Variants in GALNT13 observed in about 807,000 individuals in gnomAD.
The protein encoded by GALNT13 is UDP-GalNAc:polypeptide N-acetylgalactosaminyltransferase 13.
In GALNT13, 28 loss-of-function variants were observed where a neutral mutation model predicts 64.2. The observed-to-expected ratio is 0.44, with a 90% confidence interval of 0.32 to 0.60. The LOEUF (loss-of-function observed/expected upper bound fraction) is 0.60. GALNT13 is among the 20% of genes least tolerant of loss of function. The pLI is 0.05. For missense variants in GALNT13, 577 were observed against 669.8 expected, an observed-to-expected ratio of 0.86 and a Z score of 1.53; for synonymous variants, 214 against 224.6, an observed-to-expected ratio of 0.95 and a Z score of 0.42.
At chr2:153,770,994 G>C in the GALNT13 span, among the ~76,000 whole-genome samples, 1 of 152,210 alleles carries the variant, frequency 6.6e-6, no homozygotes. Context: ...ATCTAGAAGA[G>C]TTGGTGCTCC....
At chr2:154,331,223 C>G (rs1695150591) in intron 9 of GALNT13, among the ~76,000 whole-genome samples, 1 of 151,922 alleles carries the variant, frequency 6.6e-6, no homozygotes, top group Non-Finnish European at 1.5e-5. Context: ...TATGTGGCAA[C>G]AAGCTGAAAA....
At chr2:154,245,780 G>T (rs759584749) in intron 6 of GALNT13, 32 bp from the exon 7 acceptor site, 10 of 1,396,002 alleles carry the variant, frequency 7.2e-6, no homozygotes, top group South Asian at 2.5e-5. Flanking sequence ...TAATTATCAT[G>T]TGTCTATAAA....
At chr2:153,208,061 ATTTTTTTT>A in the GALNT13 span, 2 of 150,564 alleles carry the variant, frequency 1.3e-5, 1 homozygote, top group Non-Finnish European at 3.0e-5. Flanking sequence ...CAATACAAAT[ATTTTTTTT>A]TTTTTTTTTT....
chr2:153,530,735 C>T, the GALNT13 span, among the ~76,000 whole-genome samples: 1 of 152,074 alleles, frequency 6.6e-6, no homozygotes, highest in Non-Finnish European at 1.5e-5. Context: ...AACAAATCCA[C>T]ACACCTACAG....
At chr2:153,640,345 G>C in the GALNT13 span, among the ~76,000 whole-genome samples, 2 of 152,276 alleles carry the variant, frequency 1.3e-5, no homozygotes, top group East Asian at 1.9e-4. Context: ...ATCTAAGAAA[G>C]AGTGGTGGTC....
the GALNT13 span, among the ~76,000 whole-genome samples, chr2:153,073,421 T>G: frequency 6.6e-6 from 1 of 152,024 alleles, no homozygotes; most frequent in Non-Finnish European, 1.5e-5. Flanking sequence ...AAGAAAAACT[T>G]GAAAATAAAA....
chr2:154,047,568 G>T (rs117681165), intron 3 of GALNT13, among the ~76,000 whole-genome samples: 1 of 152,128 alleles, frequency 6.6e-6, no homozygotes, highest in Non-Finnish European at 1.5e-5. Context: ...AATAATAGTT[G>T]TGTTCAACTC....
the GALNT13 span, among the ~76,000 whole-genome samples, chr2:153,267,492 G>A: frequency 6.6e-6 from 1 of 152,186 alleles, no homozygotes; most frequent in Non-Finnish European, 1.5e-5. Context: ...AAGCCACCAA[G>A]GATTGGGGCT....
At chr2:153,140,467 C>G in the GALNT13 span, among the ~76,000 whole-genome samples, 1 of 151,880 alleles carries the variant, frequency 6.6e-6, no homozygotes, top group East Asian at 1.9e-4. Flanking sequence ...GAAACTGAAA[C>G]AGGGAAAGGT....
intron 3 of GALNT13, among the ~76,000 whole-genome samples, chr2:154,114,650 T>C (rs1703183679): frequency 6.6e-6 from 1 of 152,114 alleles, no homozygotes; most frequent in Non-Finnish European, 1.5e-5. Flanking sequence ...CTGGATCAAG[T>C]CTGGAAATTG....
chr2:153,728,776 A>G, the GALNT13 span, among the ~76,000 whole-genome samples: 2 of 152,178 alleles, frequency 1.3e-5, no homozygotes, highest in Non-Finnish European at 2.9e-5. Flanking sequence ...AGAAGAATCA[A>G]ATAGACACAA....
intron 4 of GALNT13, among the ~76,000 whole-genome samples, chr2:154,150,213 T>C (rs200999904): frequency 1.3e-5 from 2 of 152,220 alleles, no homozygotes. Context: ...TGGTTCTGTT[T>C]ATATACTGGA....
chr2:153,528,555 C>T, the GALNT13 span, among the ~76,000 whole-genome samples: 7 of 152,134 alleles, frequency 4.6e-5, no homozygotes, highest in African/African-American at 1.2e-4. Flanking sequence ...TCTATCTGTA[C>T]TGTAAACCAA....
chr2:154,413,211 T>A (rs2105402783), intron 11 of GALNT13, among the ~76,000 whole-genome samples: 1 of 152,004 alleles, frequency 6.6e-6, no homozygotes, highest in South Asian at 2.1e-4. Context: ...AACCCACCTG[T>A]TTCCAAACTG....
At chr2:153,349,392 GTTA>G in the GALNT13 span, among the ~76,000 whole-genome samples, 1 of 152,294 alleles carries the variant, frequency 6.6e-6, no homozygotes, top group East Asian at 1.9e-4. Context: ...AGTGCCTGGT[GTTA>G]TTAAGACAAT....
chr2:153,449,368 G>A, the GALNT13 span, among the ~76,000 whole-genome samples: 1 of 152,090 alleles, frequency 6.6e-6, no homozygotes, highest in African/African-American at 2.4e-5. Flanking sequence ...GTCTCTGCAA[G>A]TGCTTCTCTT....
At chr2:154,227,156 G>T (rs1573914677) in intron 4 of GALNT13, among the ~76,000 whole-genome samples, 1 of 152,150 alleles carries the variant, frequency 6.6e-6, no homozygotes, top group Middle Eastern at 3.4e-3. Flanking sequence ...GATCCAGTGT[G>T]TGTACTGCAC....
chr2:154,093,671 T>TG (rs1701933582), intron 3 of GALNT13, among the ~76,000 whole-genome samples: 1 of 148,464 alleles, frequency 6.7e-6, no homozygotes, highest in African/African-American at 2.5e-5. Context: ...CATTATTTCT[T>TG]TTTTTTTTTT....
At position 154,117,023 on chromosome 2, in the gene GALNT13, C is replaced by T. The variant is rs190476146; in HGVS notation, c.143-23314C>T. On this transcript the variant is annotated intron_variant, in intron 3 of 12. Transcript: ENST00000392825. ...TCCCAAAACTGAAGAACTCAGAGTC[C>T]GATGTTCAAGGGCAGGAAGCATCCA... Among the ~76,000 whole-genome samples the T allele has an allele frequency of 3.3e-5, 5 of 152,202 alleles. No individual in the cohort carries two copies. In the East Asian group the frequency reaches 5.8e-4, roughly 18 times the overall value.
Sources: gnomAD v4.1 joint callset for allele counts (sites outside exome capture counted in the v4.1 genomes callset) on GRCh38, gnomAD v4.1.1 for gene constraint, MANE v1.5 for transcripts, NCBI Gene and HGNC (gene_info 2026-07-23, HGNC 2026-07-21) for gene names.